The following PARD3 variants were observed in gnomAD, a reference collection of about 807,000 sequenced individuals.
The protein encoded by PARD3 is partitioning defective 3 homolog.
In PARD3, 75 loss-of-function variants were observed where a neutral mutation model predicts 155.4. The ratio of observed to expected loss-of-function variants is 0.48; its 90% CI spans 0.40 to 0.58. The LOEUF is 0.58. PARD3 is among the 20% of genes least tolerant of loss of function. The pLI is 0.00. For synonymous variants in PARD3, 576 were observed against 610.5 expected (o/e 0.94, Z 0.83); for missense variants, 1,642 against 1,721.7 (o/e 0.95, Z 0.82).
chr10:34,227,812 T>C (rs903605196), intron 22 of PARD3, among the ~76,000 whole-genome samples: 9 of 134,528 alleles, frequency 6.7e-5, no homozygotes, highest in Admixed American at 3.0e-4. Context: ...GCAATCCCAT[T>C]ACTGGGAATA....
intron 22 of PARD3, among the ~76,000 whole-genome samples, chr10:34,197,135 TCTC>T (rs2133307293): frequency 6.6e-6 from 1 of 152,232 alleles, no homozygotes; most frequent in African/African-American, 2.4e-5. Flanking sequence ...AAAACTGTGT[TCTC>T]CTCCCGATTT....
intron 4 of PARD3, among the ~76,000 whole-genome samples, chr10:34,458,652 T>C (rs924411198): frequency 3.9e-5 from 6 of 152,276 alleles, no homozygotes; most frequent in African/African-American, 1.4e-4. Flanking sequence ...ATAACTTAGA[T>C]TATCTTCTTT....
At chr10:34,583,418 C>T (rs1305328545) in intron 2 of PARD3, among the ~76,000 whole-genome samples, 1 of 152,070 alleles carries the variant, frequency 6.6e-6, no homozygotes, top group Non-Finnish European at 1.5e-5. Flanking sequence ...TTATTAGTAT[C>T]TCTGGGTTTT....
At chr10:34,516,926 G>C (rs1456979854) in intron 3 of PARD3, 53 bp downstream of exon 3, 2 of 1,511,048 alleles carry the variant, frequency 1.3e-6, no homozygotes, top group African/African-American at 2.8e-5. Context: ...AACAAAAGTT[G>C]GTATTCCTGT....
chr10:34,414,963 C>T (rs960579941), intron 5 of PARD3, among the ~76,000 whole-genome samples: 1 of 152,040 alleles, frequency 6.6e-6, no homozygotes, highest in African/African-American at 2.4e-5. Flanking sequence ...ACCAGACAAG[C>T]AGATGCAGAC....
chr10:34,610,000 CA>C (rs1463468810), intron 2 of PARD3, among the ~76,000 whole-genome samples: 2 of 152,020 alleles, frequency 1.3e-5, no homozygotes, highest in African/African-American at 4.8e-5. Context: ...GGAAATATAC[CA>C]AAACTTAGGC....
chr10:34,455,010 C>T lies in PARD3; in HGVS notation c.583-4562G>A, dbSNP rs570453349. 3.3e-5 allele frequency among the ~76,000 whole-genome samples: 5 copies of T among 152,272 alleles called. No individual in the cohort carries two copies. The South Asian group carries it at 1.0e-3, about 32-fold the overall frequency. Reference sequence around the variant, plus strand: ...CCTTGAGATAGAGGCTCATTCCCGGCATACTAAGCTGCAACTCCAAGCTTT... The same window carrying T: ...CCTTGAGATAGAGGCTCATTCCCGGTATACTAAGCTGCAACTCCAAGCTTT... On this transcript the variant is annotated intron_variant, in intron 4 of 24. Coordinates refer to ENST00000374788, the MANE Select transcript of PARD3 (RefSeq NM_001184785.2).
intron 21 of PARD3, among the ~76,000 whole-genome samples, chr10:34,272,690 C>T (rs1181501134): frequency 6.6e-6 from 1 of 152,172 alleles, no homozygotes; most frequent in African/African-American, 2.4e-5. Flanking sequence ...TGTGCCACTG[C>T]ACTCCAGCCT....
chr10:34,377,146 C>T (rs1841332791), intron 10 of PARD3, among the ~76,000 whole-genome samples: 1 of 152,200 alleles, frequency 6.6e-6, no homozygotes, highest in African/African-American at 2.4e-5. Flanking sequence ...CCTTGCTCCT[C>T]TTATCAAGGA....
intron 22 of PARD3, among the ~76,000 whole-genome samples, chr10:34,168,073 T>C (rs1052408271): frequency 2.6e-5 from 4 of 152,202 alleles, no homozygotes; most frequent in Admixed American, 1.3e-4. Flanking sequence ...TCTTCTTTTT[T>C]TCCTTAATGA....
intron 2 of PARD3, among the ~76,000 whole-genome samples, chr10:34,605,167 G>A (rs1037895967): frequency 8.4e-4 from 118 of 141,238 alleles, no homozygotes; most frequent in African/African-American, 3.0e-3. Context: ...ATCTGAAACA[G>A]CCCCAAAATG....
At chr10:34,326,346 A>G (rs2134195522) in intron 19 of PARD3, among the ~76,000 whole-genome samples, 1 of 152,176 alleles carries the variant, frequency 6.6e-6, no homozygotes, top group Non-Finnish European at 1.5e-5. Context: ...AAGTATATGT[A>G]TCATTTTATT....
chr10:34,322,330 G>C (rs1564583615), intron 19 of PARD3, among the ~76,000 whole-genome samples: 1 of 152,190 alleles, frequency 6.6e-6, no homozygotes, highest in East Asian at 1.9e-4. Flanking sequence ...TAGCAGAGCA[G>C]AAGGGGCAGA....
chr10:34,662,702 T>A (rs999038748), intron 2 of PARD3, among the ~76,000 whole-genome samples: 3 of 152,008 alleles, frequency 2.0e-5, no homozygotes, highest in Admixed American at 1.3e-4. Context: ...TGAAACCCCA[T>A]CTCTACTAAA....
At chr10:34,674,380 A>G (rs2093663653) in intron 2 of PARD3, among the ~76,000 whole-genome samples, 1 of 151,778 alleles carries the variant, frequency 6.6e-6, no homozygotes, top group Admixed American at 6.6e-5. Flanking sequence ...CCCTGCGCTC[A>G]CTGCCTAGCG....
intron 22 of PARD3, among the ~76,000 whole-genome samples, chr10:34,154,837 A>C (rs1948931764): frequency 6.6e-6 from 1 of 152,124 alleles, no homozygotes; most frequent in Admixed American, 6.5e-5. Flanking sequence ...ATTTGGGAAG[A>C]CTGATTGAGA....
chr10:34,639,567 C>T (rs1564448600), intron 2 of PARD3, among the ~76,000 whole-genome samples: 1 of 152,194 alleles, frequency 6.6e-6, no homozygotes, highest in South Asian at 2.1e-4. Flanking sequence ...TTACAAAACA[C>T]GGAAAACAGA....
At chr10:34,729,886 G>C (rs1247539552) in intron 1 of PARD3, among the ~76,000 whole-genome samples, 1 of 152,062 alleles carries the variant, frequency 6.6e-6, no homozygotes, top group Non-Finnish European at 1.5e-5. Flanking sequence ...AATTTAAACG[G>C]ATTGGAAAGA....
intron 1 of PARD3, among the ~76,000 whole-genome samples, chr10:34,814,046 C>G (rs549846924): frequency 5.9e-5 from 9 of 152,204 alleles, no homozygotes; most frequent in African/African-American, 1.7e-4. Flanking sequence ...CACTCAACTC[C>G]CAAGTCAGGC....
Sources: allele counts gnomAD v4.1 joint callset (sites outside exome capture counted in the v4.1 genomes callset), GRCh38; gene constraint gnomAD v4.1.1; transcripts MANE v1.5; gene names NCBI Gene and HGNC (gene_info 2026-07-23, HGNC 2026-07-21).